The following ABLIM2 variants were observed in gnomAD, a reference collection of about 807,000 sequenced individuals.
The protein encoded by ABLIM2 is actin-binding LIM protein 2.
In ABLIM2, 53 loss-of-function variants were observed where a neutral mutation model predicts 97.7. That is an observed-to-expected ratio of 0.54 (90% CI 0.44 to 0.68). The LOEUF is 0.68. Among genes scored for constraint, ABLIM2 ranks in the 30% least tolerant of loss-of-function variants. The pLI, the probability that ABLIM2 is intolerant of heterozygous loss-of-function variation, is 0.00. For synonymous variants in ABLIM2, 361 were observed against 345.8 expected (o/e 1.04, Z -0.49); for missense variants, 835 against 867.2 (o/e 0.96, Z 0.47).
intron 14 of ABLIM2, chr4:8,010,632 G>A: frequency 2.1e-6 from 2 of 951,288 alleles, no homozygotes; most frequent in Non-Finnish European, 2.5e-6. Context: ...ACGGCTACCT[G>A]TTTCTCCTTC....
chr4:8,146,666 A>G (rs114928633), intron 1 of ABLIM2, among the ~76,000 whole-genome samples: 5,651 of 152,142 alleles, frequency 0.037, 305 homozygotes, highest in African/African-American at 0.13. Context: ...CAGCCTCCAG[A>G]GTAGCTGGGA....
intron 2 of ABLIM2, among the ~76,000 whole-genome samples, chr4:8,100,257 C>T (rs894231165): frequency 6.6e-6 from 1 of 152,182 alleles, no homozygotes; most frequent in Non-Finnish European, 1.5e-5. Flanking sequence ...ACAATGTTCC[C>T]TGCATTATGG....
intron 13 of ABLIM2, 55 bp downstream of exon 13, chr4:8,020,147 T>G: frequency 1.3e-6 from 2 of 1,531,248 alleles, no homozygotes; most frequent in Non-Finnish European, 1.8e-6. Flanking sequence ...TGTGGCCAGT[T>G]TCGGTGTGGA....
At chr4:7,975,307 C>G (rs1346354983) in intron 20 of ABLIM2, among the ~76,000 whole-genome samples, 1 of 152,218 alleles carries the variant, frequency 6.6e-6, no homozygotes. Context: ...AACCTCAGCT[C>G]TGCCTCTTAT....
intron 1 of ABLIM2, among the ~76,000 whole-genome samples, chr4:8,119,817 T>A (rs1207071871): frequency 6.6e-6 from 1 of 152,084 alleles, no homozygotes; most frequent in Non-Finnish European, 1.5e-5. Flanking sequence ...AGTTGGGGCT[T>A]TTGCGAGGCT....
Position 8,032,407 on chromosome 4 carries a change from C to T in ABLIM2, c.1048-2631G>A, listed in dbSNP as rs1343860822. 1.3e-5 allele frequency among the ~76,000 whole-genome samples: 2 copies of T among 152,150 alleles called. No individual in the cohort carries two copies. Among genetic ancestry groups the T allele is most frequent in the African/African-American group, 2.4e-5 (1 of 41,424 alleles). ...CCACGATCTGCTCAGGGTAGACCCGCGTCCCAGGCGGCCACATCCGCAGGG... is the reference window on the plus strand; with the variant it reads ...CCACGATCTGCTCAGGGTAGACCCGTGTCCCAGGCGGCCACATCCGCAGGG... On this transcript the variant is annotated intron_variant, in intron 10 of 20. Transcript: ENST00000447017. This position sits in a 1 kb window ranked among gnomAD's most constrained non-coding sequence, Gnocchi z 4.3.
intron 3 of ABLIM2, among the ~76,000 whole-genome samples, chr4:8,093,938 G>C (rs10938686): frequency 6.6e-6 from 1 of 151,922 alleles, no homozygotes; most frequent in Non-Finnish European, 1.5e-5. Context: ...TTAAACACTT[G>C]TTGGTCTCCC....
At chr4:8,157,178 A>G (rs1009383873) in intron 1 of ABLIM2, among the ~76,000 whole-genome samples, 1 of 152,076 alleles carries the variant, frequency 6.6e-6, no homozygotes, top group Non-Finnish European at 1.5e-5. Flanking sequence ...TCTGCCCCCA[A>G]CTGCCCCAGT....
chr4:8,109,116 C>T (rs769017115), intron 1 of ABLIM2, among the ~76,000 whole-genome samples: 26 of 152,362 alleles, frequency 1.7e-4, no homozygotes, highest in East Asian at 9.6e-4. Flanking sequence ...GGCCCCCCAC[C>T]GCCTGTCCCC....
rs1391575381 is a variant in ABLIM2 at position 8,085,032 on chromosome 4, G to T, written c.454+3137C>A. 6.6e-6 allele frequency among the ~76,000 whole-genome samples: 1 copy of T among 152,228 alleles called. No homozygotes were observed. The highest frequency in any genetic ancestry group is 1.5e-5 in the Non-Finnish European group (1 of 68,048). ...GGACACAGGGGACCTCCCAACGAGA[G>T]TGGTGGGGAAGCTGAGGCATGCGGG... On this transcript the variant is annotated intron_variant, in intron 4 of 20. Transcript: ENST00000447017. This position sits in a 1 kb window ranked among gnomAD's most constrained non-coding sequence, Gnocchi z 6.1.
At chr4:8,081,584 G>A (rs73216487) in intron 4 of ABLIM2, among the ~76,000 whole-genome samples, 6,853 of 152,312 alleles carry the variant, frequency 0.045, 227 homozygotes, top group Admixed American at 0.077. Context: ...GAGCCTGAGC[G>A]GGGTGCGTGT....
intron 6 of ABLIM2, among the ~76,000 whole-genome samples, chr4:8,065,010 G>T (rs1302374469): frequency 6.6e-6 from 1 of 152,210 alleles, no homozygotes; most frequent in Non-Finnish European, 1.5e-5. Flanking sequence ...AGTGCTCTCA[G>T]AGGTCAAGGC....
Position 8,154,396 on chromosome 4 carries a change from C to G in ABLIM2, c.10+4284G>C, listed in dbSNP as rs538693720. ...TCCCTGGTTCAAGCGATTCTCCTGCCTCAGCCTCCTGAGTAGTGGGGATTA... is the reference window on the plus strand; with the variant it reads ...TCCCTGGTTCAAGCGATTCTCCTGCGTCAGCCTCCTGAGTAGTGGGGATTA... On this transcript the variant is annotated intron_variant, in intron 1 of 20. Transcript: ENST00000447017. Among the ~76,000 whole-genome samples, 42 of 151,226 alleles carry G rather than the reference C, an allele frequency of 2.8e-4. No homozygotes were observed. In the South Asian group the frequency reaches 8.4e-3, roughly 30 times the overall value.
chr4:8,012,764 A>C (rs971038503), intron 14 of ABLIM2, among the ~76,000 whole-genome samples: 38 of 149,938 alleles, frequency 2.5e-4, no homozygotes, highest in Non-Finnish European at 3.6e-4. Flanking sequence ...CCATCCATCC[A>C]CCCACTCACC....
chr4:7,983,447 C>T, intron 19 of ABLIM2, 100 bp downstream of exon 19: 1 of 1,583,564 alleles, frequency 6.3e-7, no homozygotes. Flanking sequence ...GCGTCTGCAC[C>T]TGACACACAC....
At chr4:8,025,330 G>C (rs949766929) in intron 12 of ABLIM2, among the ~76,000 whole-genome samples, 8 of 152,228 alleles carry the variant, frequency 5.3e-5, no homozygotes, top group Non-Finnish European at 1.0e-4. Context: ...ACCCAGGGGA[G>C]GTCTCAAAGG....
In ABLIM2 at chr4:8,125,907, C is replaced by T. The variant is rs150791354; in HGVS notation, c.11-19270G>A. ...TGTGCGTGGGCAGCCTTGGGGGACC[C>T]GCCGCTTTTGGGAACACACCTGCAT... On this transcript the variant is annotated intron_variant, in intron 1 of 20. Transcript: ENST00000447017. The surrounding 1 kb of genome is among the most constrained non-coding windows in gnomAD (Gnocchi z 6.2). Among the ~76,000 whole-genome samples the T allele has an allele frequency of 2.4e-4, 37 of 152,308 alleles. No homozygotes were observed. Among genetic ancestry groups the T allele is most frequent in the African/African-American group, 6.7e-4 (28 of 41,568 alleles).
chr4:8,048,443 CG>C (rs1321928875), intron 8 of ABLIM2, among the ~76,000 whole-genome samples: 3 of 152,150 alleles, frequency 2.0e-5, no homozygotes, highest in African/African-American at 7.2e-5. Context: ...CCTGCCATTA[CG>C]GTCACATGGT....
rs1447619974 is a variant in ABLIM2, at chr4:8,124,263, T to C, written c.11-17626A>G. Among the ~76,000 whole-genome samples the C allele has an allele frequency of 6.6e-6, 1 of 152,160 alleles. No homozygotes were observed. The highest frequency in any genetic ancestry group is 1.5e-5 in the Non-Finnish European group (1 of 68,026). On this transcript the variant is annotated intron_variant, in intron 1 of 20. Coordinates refer to ENST00000447017, the MANE Select transcript of ABLIM2 (RefSeq NM_001130083.2). The surrounding 1 kb of genome is among the most constrained non-coding windows in gnomAD (Gnocchi z 6.1). ...CACACATCTGAAAATCATAACTTCA[T>C]TGAGATATAATTCACATAGCCGTAC...
Sources: gnomAD v4.1 joint callset for allele counts (sites outside exome capture counted in the v4.1 genomes callset) on GRCh38, gnomAD v4.1.1 for gene constraint, Gnocchi (gnomAD v3.1) non-coding constraint, MANE v1.5 for transcripts, NCBI Gene and HGNC (gene_info 2026-07-23, HGNC 2026-07-21) for gene names.